ABHD10: variants seen among roughly 807,000 people sequenced by gnomAD.
ABHD10 encodes the protein palmitoyl-protein thioesterase ABHD10, mitochondrial.
A neutral mutation model predicts 33.1 loss-of-function variants in ABHD10; 22 were observed. The observed-to-expected ratio is 0.66, with a 90% confidence interval of 0.47 to 0.95. The LOEUF (loss-of-function observed/expected upper bound fraction) is 0.95, where lower values mean the gene tolerates loss of function less well. Ranked by LOEUF, ABHD10 falls within the 40% of genes least tolerant of loss-of-function variation. The pLI, the probability that ABHD10 is intolerant of heterozygous loss-of-function variation, is 0.00. For missense variants in ABHD10, 352 were observed against 379.9 expected, an observed-to-expected ratio of 0.93 and a Z score of 0.61; for synonymous variants, 146 against 133.9, an observed-to-expected ratio of 1.09 and a Z score of -0.62.
At position 111,992,469 on chromosome 3, in the gene ABHD10, T is replaced by C. The variant is rs923966705; in HGVS notation, c.*748T>C. ...TATATATTATTTCTTGCAGAAACAT[T>C]CATTATTTTATTAATATTGCCCTAA... On this transcript the variant is annotated 3_prime_UTR_variant, in exon 5 of 5. Transcript: ENST00000273359. The C allele has an allele frequency of 1.3e-5, 2 of 151,932 alleles. No homozygotes were observed. Among genetic ancestry groups the C allele is most frequent in the Non-Finnish European group, 2.9e-5 (2 of 67,928 alleles). 9.4% of individuals were successfully genotyped at this position (151,932 alleles called of 1,614,324 possible).
intron 1 of ABHD10, 118 bp downstream of exon 1, chr3:111,979,321 C>T (rs1038005616): frequency 5.0e-5 from 60 of 1,205,074 alleles, no homozygotes; most frequent in Admixed American, 1.4e-4. Flanking sequence ...CTCCCCCTTT[C>T]TCAACACCCC....
rs1190257858 is a variant in ABHD10, at chr3:111,992,406, ATAT to A, written c.*687_*689del. The A allele has an allele frequency of 6.6e-6, 1 of 151,608 alleles. No homozygotes were observed. Among genetic ancestry groups the A allele is most frequent in the Non-Finnish European group, 1.5e-5 (1 of 67,854 alleles). 9.4% of individuals were successfully genotyped at this position (151,608 alleles called of 1,614,324 possible). The stretch of plus-strand genomic sequence containing the variant: ...CTAAAACAATGATGTAGTATTTTTA[ATAT>A]TCTGATTGGTAAAATTAAAGAGGAA... On this transcript the variant is annotated 3_prime_UTR_variant, in exon 5 of 5. Coordinates refer to ENST00000273359, the MANE Select transcript of ABHD10 (RefSeq NM_018394.4).
At position 111,987,164 on chromosome 3, in the gene ABHD10, G is replaced by A; in HGVS notation, c.576+113G>A. ...AAAACAATAATTCCTTTGACTTACT[G>A]TGCTGGCCCAACTTTTGTCTTAGCT... On this transcript the variant is annotated intron_variant, in intron 4 of 4. Coordinates refer to ENST00000273359, the MANE Select transcript of ABHD10 (RefSeq NM_018394.4). 1.8e-5 allele frequency: 22 copies of A among 1,237,500 alleles called. 2 individuals carry two copies. In the South Asian group the frequency reaches 3.2e-4, roughly 18 times the overall value. 76.7% of individuals were successfully genotyped at this position (1,237,500 alleles called of 1,614,324 possible).
rs1251531032 is a variant in ABHD10, at chr3:111,992,902, A to T, written c.*1181A>T. 1 of 152,236 alleles carries T rather than the reference A, an allele frequency of 6.6e-6. No homozygotes were observed. Among genetic ancestry groups the T allele is most frequent in the Non-Finnish European group, 1.5e-5 (1 of 68,040 alleles). The allele number at this position is 152,236 out of a possible 1,614,324, so 9.4% of individuals were successfully genotyped here. On this transcript the variant is annotated 3_prime_UTR_variant, in exon 5 of 5. Transcript: ENST00000273359. The stretch of plus-strand genomic sequence containing the variant: ...TGCTGTGCAGAAAAAAGTGTTAATG[A>T]AGCCGACCTGACTACTTAACCTTAG...
chr3:111,991,869 G>C lies in ABHD10; in HGVS notation c.*148G>C. On this transcript the variant is annotated 3_prime_UTR_variant, in exon 5 of 5. Transcript: ENST00000273359. The stretch of plus-strand genomic sequence containing the variant: ...ATTATTTAATGATGTATTTGCATAA[G>C]TAATGCAAATTGTGAAGAAGGACCA... The C allele has an allele frequency of 3.3e-6, 2 of 600,128 alleles. No homozygotes were observed. Among genetic ancestry groups the C allele is most frequent in the Non-Finnish European group, 5.3e-6 (2 of 377,620 alleles). 37.2% of individuals were successfully genotyped at this position (600,128 alleles called of 1,614,324 possible). A position where few individuals can be genotyped will look rare whatever the true frequency, so the allele number is the denominator to read the frequency against.
At chr3:111,982,940 A>C (rs1449068765) in intron 2 of ABHD10, among the ~76,000 whole-genome samples, 1 of 152,172 alleles carries the variant, frequency 6.6e-6, no homozygotes, top group South Asian at 2.1e-4. Context: ...TTTTATTTTC[A>C]TACTCAGAAC....
intron 2 of ABHD10, among the ~76,000 whole-genome samples, chr3:111,984,842 T>C (rs1445485621): frequency 6.6e-6 from 1 of 152,108 alleles, no homozygotes; most frequent in Non-Finnish European, 1.5e-5. Context: ...ACCAAGATAC[T>C]GGACTTACCA....
At chr3:111,984,030 C>G (rs2072621024) in intron 2 of ABHD10, among the ~76,000 whole-genome samples, 2 of 152,066 alleles carry the variant, frequency 1.3e-5, no homozygotes, top group South Asian at 4.1e-4. Context: ...AGGAGCTGTA[C>G]AAGTATTTTG....
At chr3:111,987,293 A>G (rs531366631) in intron 4 of ABHD10, among the ~76,000 whole-genome samples, 1 of 152,296 alleles carries the variant, frequency 6.6e-6, no homozygotes, top group East Asian at 1.9e-4. Flanking sequence ...AATATTTGAG[A>G]CACATTAACA....
intron 2 of ABHD10, among the ~76,000 whole-genome samples, chr3:111,984,886 T>C (rs577280192): frequency 6.6e-6 from 1 of 151,738 alleles, no homozygotes; most frequent in Admixed American, 6.6e-5. Flanking sequence ...TAAGAAGAAA[T>C]GAGAAAGAAT....
chr3:111,986,463 T>A, intron 3 of ABHD10, 88 bp downstream of exon 3: 55 of 862,016 alleles, frequency 6.4e-5, no homozygotes, highest in Non-Finnish European at 9.0e-5. Context: ...TGAGATGGAG[T>A]CTCGTGCTGT....
chr3:111,980,459 A>G (rs749238635), intron 1 of ABHD10, among the ~76,000 whole-genome samples: 3 of 152,212 alleles, frequency 2.0e-5, no homozygotes, highest in Non-Finnish European at 4.4e-5. Flanking sequence ...AGAAGTTTTC[A>G]AAGTGGAGGA....
At chr3:111,985,834 A>G in intron 2 of ABHD10, among the ~76,000 whole-genome samples, 1 of 152,132 alleles carries the variant, frequency 6.6e-6, no homozygotes, top group Non-Finnish European at 1.5e-5. Context: ...GAGAGAGAAA[A>G]CAATGAGAAA....
intron 2 of ABHD10, among the ~76,000 whole-genome samples, chr3:111,984,057 T>G (rs1447480447): frequency 1.3e-5 from 2 of 152,156 alleles, no homozygotes; most frequent in African/African-American, 2.4e-5. Flanking sequence ...CACCATATAT[T>G]TGGAAGGCAG....
intron 4 of ABHD10, among the ~76,000 whole-genome samples, chr3:111,990,993 G>A (rs1243623598): frequency 1.3e-5 from 2 of 152,018 alleles, no homozygotes; most frequent in African/African-American, 2.4e-5. Context: ...TTTCTTTTCA[G>A]TTGGGGTGAA....
chr3:111,986,765 T>G (rs2072669590), intron 3 of ABHD10, 149 bp from the exon 4 acceptor site: 1 of 682,834 alleles, frequency 1.5e-6, no homozygotes, highest in African/African-American at 1.9e-5. Context: ...GAAAATGTTT[T>G]TATTTAATTT....
chr3:111,987,799 G>A (rs896671094), intron 4 of ABHD10, among the ~76,000 whole-genome samples: 3 of 152,154 alleles, frequency 2.0e-5, no homozygotes, highest in East Asian at 1.9e-4. Flanking sequence ...AGAGCTGACT[G>A]TCTTTGTTTT....
chr3:111,980,462 G>A (rs1409201498), intron 1 of ABHD10, among the ~76,000 whole-genome samples: 1 of 152,112 alleles, frequency 6.6e-6, no homozygotes, highest in African/African-American at 2.4e-5. Flanking sequence ...AGTTTTCAAA[G>A]TGGAGGACGG....
In ABHD10 at chr3:111,991,864, C is replaced by T. The variant is rs2072744220; in HGVS notation, c.*143C>T. On this transcript the variant is annotated 3_prime_UTR_variant, in exon 5 of 5. Coordinates refer to ENST00000273359, the MANE Select transcript of ABHD10 (RefSeq NM_018394.4). Reference sequence around the variant, plus strand: ...TGAGTATTATTTAATGATGTATTTGCATAAGTAATGCAAATTGTGAAGAAG... The same window carrying T: ...TGAGTATTATTTAATGATGTATTTGTATAAGTAATGCAAATTGTGAAGAAG... 1 of 622,394 alleles carries T rather than the reference C, an allele frequency of 1.6e-6. No homozygotes were observed. Among genetic ancestry groups the T allele is most frequent in the Admixed American group, 4.1e-5 (1 of 24,480 alleles). 38.6% of individuals were successfully genotyped at this position (622,394 alleles called of 1,614,324 possible). A position where few individuals can be genotyped will look rare whatever the true frequency, so the allele number is the denominator to read the frequency against.
Sources: gnomAD v4.1 joint callset for allele counts (sites outside exome capture counted in the v4.1 genomes callset) on GRCh38, gnomAD v4.1.1 for gene constraint, MANE v1.5 for transcripts, NCBI Gene and HGNC (gene_info 2026-07-23, HGNC 2026-07-21) for gene names.